Variants in NIBAN3 observed in about 807,000 individuals in gnomAD.
NIBAN3 encodes niban apoptosis regulator 3, also known as protein Niban 3.
In NIBAN3, 66 loss-of-function variants were observed where a neutral mutation model predicts 76.4. That is an observed-to-expected ratio of 0.86 (90% confidence interval 0.71 to 1.06). The LOEUF is 1.06. NIBAN3 is among the 50% of genes least tolerant of loss of function. The pLI is 0.00. For missense variants in NIBAN3, 808 were observed against 810.7 expected, an observed-to-expected ratio of 1.00 and a Z score of 0.04; for synonymous variants, 360 against 355.2, an observed-to-expected ratio of 1.01 and a Z score of -0.15.
rs767414254 is a variant in NIBAN3 at position 17,530,899 on chromosome 19, G to A, written c.186+14G>A. The stretch of plus-strand genomic sequence containing the variant: ...CTACGCAGCAAAGTGGGTGTTGTGG[G>A]GGCAGAGGACGTTTGAGTGTTAGGG... On this transcript the variant is annotated intron_variant, in intron 2 of 14. Transcript: ENST00000599164. 6.2e-7 allele frequency: 1 copy of A among 1,611,414 alleles called. No homozygotes were observed. Among genetic ancestry groups the A allele is most frequent in the Non-Finnish European group, 8.5e-7 (1 of 1,179,048 alleles).
intron 1 of NIBAN3, among the ~76,000 whole-genome samples, chr19:17,528,127 T>C (rs756187831): frequency 6.6e-6 from 1 of 152,132 alleles, no homozygotes; most frequent in Non-Finnish European, 1.5e-5. Flanking sequence ...AGTCTCCCTC[T>C]GTTGCCCAGG....
At position 17,537,365 on chromosome 19, in the gene NIBAN3, T is replaced by C. The variant is rs776902893; in HGVS notation, c.428-11T>C. 1 of 1,611,458 alleles carries C rather than the reference T, an allele frequency of 6.2e-7. No homozygotes were observed. On this transcript the variant is annotated splice_polypyrimidine_tract_variant and intron_variant, in intron 4 of 14. Coordinates refer to ENST00000599164, the MANE Select transcript of NIBAN3 (RefSeq NM_001321827.2). ...AACGTCTAGAAGATGCGACCTCCTG[T>C]TTGTTTTCAGGAGACCATACTCAGG...
chr19:17,525,388 T>C (rs1220986028), upstream of NIBAN3, among the ~76,000 whole-genome samples: 2 of 152,112 alleles, frequency 1.3e-5, no homozygotes, highest in East Asian at 3.8e-4. Flanking sequence ...TATTCATGCA[T>C]TCATTCAGCA....
chr19:17,550,843 CTTT>C lies in NIBAN3; in HGVS notation c.1751-922_1751-920del, dbSNP rs10690901. On this transcript the variant is annotated intron_variant, in intron 14 of 14. Coordinates refer to ENST00000599164, the MANE Select transcript of NIBAN3 (RefSeq NM_001321827.2). ...GCCACAGGGATTAATCTTGTACATA[CTTT>C]TTTTTTTTTTTTTTTTTTTTCAAAT... Among the ~76,000 whole-genome samples the C allele has an allele frequency of 8.1e-3, 745 of 91,544 alleles. 6 individuals are homozygous for C. Among genetic ancestry groups the C allele is most frequent in the African/African-American group, 0.029 (703 of 24,648 alleles). 60.1% of individuals were successfully genotyped at this position (91,544 alleles called of 152,430 possible).
rs745788536 is a variant in NIBAN3 at position 17,540,444 on chromosome 19, G to A, written c.1032G>A (p.Gln344=). ...ESCLRREVDP[Q]LPRVVQTLLR... is the part of the protein sequence containing the mutation. ...GCCTGCGCCGGGAGGTGGACCCGCA[G>A]CTGCCCCGGGTCGTGCAGACCCTGC... Residue 344 remains glutamine, a synonymous_variant, in exon 9 of 15, where the codon CAG becomes CAA. Transcript: ENST00000599164. 5 of 1,553,788 alleles carry A rather than the reference G, an allele frequency of 3.2e-6. No homozygotes were observed. The Admixed American group carries it at 5.8e-5, about 18-fold the overall frequency.
intron 6 of NIBAN3, 26 bp from the exon 7 acceptor site, chr19:17,539,321 G>A (rs1281537377): frequency 1.3e-6 from 2 of 1,552,082 alleles, no homozygotes; most frequent in Non-Finnish European, 1.7e-6. Context: ...GGCCGACCGC[G>A]GCGCCCATGG....
At chr19:17,529,168 T>C (rs959781762) in intron 1 of NIBAN3, among the ~76,000 whole-genome samples, 1 of 152,172 alleles carries the variant, frequency 6.6e-6, no homozygotes, top group Admixed American at 6.5e-5. Context: ...TTCTCTTATA[T>C]GTAAAATGGG....
chr19:17,543,016 A>G (rs1389531755), intron 10 of NIBAN3, among the ~76,000 whole-genome samples: 1 of 152,206 alleles, frequency 6.6e-6, no homozygotes, highest in African/African-American at 2.4e-5. Flanking sequence ...GCACTGCACA[A>G]AAGCACTCAG....
intron 4 of NIBAN3, among the ~76,000 whole-genome samples, chr19:17,534,386 C>A (rs1181414414): frequency 6.6e-6 from 1 of 152,044 alleles, no homozygotes; most frequent in Non-Finnish European, 1.5e-5. Context: ...TAATGACATG[C>A]GCCTGTAATC....
rs149190134 is a variant in NIBAN3 at position 17,552,629 on chromosome 19, C to G, written c.*731C>G. 9.0e-4 allele frequency: 137 copies of G among 152,134 alleles called. No homozygotes were observed. Among genetic ancestry groups the G allele is most frequent in the African/African-American group, 3.2e-3 (132 of 41,496 alleles). 9.4% of individuals were successfully genotyped at this position (152,134 alleles called of 1,614,324 possible). ...TTTGAATTTCTTTGACTAAATTGAACTTACAAATAAGTTTATTATGGCCAG... is the reference window on the plus strand; with the variant it reads ...TTTGAATTTCTTTGACTAAATTGAAGTTACAAATAAGTTTATTATGGCCAG... On this transcript the variant is annotated 3_prime_UTR_variant, in exon 15 of 15. Coordinates refer to ENST00000599164, the MANE Select transcript of NIBAN3 (RefSeq NM_001321827.2).
intron 13 of NIBAN3, among the ~76,000 whole-genome samples, chr19:17,547,735 T>C (rs1455288826): frequency 6.6e-6 from 1 of 151,978 alleles, no homozygotes; most frequent in East Asian, 1.9e-4. Context: ...TGGCATGGTC[T>C]CGGCTCACTG....
At chr19:17,527,438 G>T in intron 1 of NIBAN3, 43 bp downstream of exon 1, 2 of 1,474,710 alleles carry the variant, frequency 1.4e-6, no homozygotes, top group Non-Finnish European at 1.8e-6. Flanking sequence ...CCAGGTGGGT[G>T]GGGGCTCCAG....
intron 14 of NIBAN3, among the ~76,000 whole-genome samples, chr19:17,550,053 C>A (rs1326918592): frequency 6.6e-6 from 1 of 152,054 alleles, no homozygotes; most frequent in African/African-American, 2.4e-5. Flanking sequence ...CTCCTGACCT[C>A]ACATGATCTG....
In NIBAN3 at chr19:17,527,319, A is replaced by C. The variant is rs569106793; in HGVS notation, c.-22A>C. On this transcript the variant is annotated 5_prime_UTR_variant, in exon 1 of 15. Transcript: ENST00000599164. ...CGGTGGTCGTGGGGAAGGGAAGAGG[A>C]GCCCCGGGAGACGACAGCAGCATGG... The C allele has an allele frequency of 1.3e-6, 2 of 1,550,360 alleles. No homozygotes were observed. Among genetic ancestry groups the C allele is most frequent in the South Asian group, 1.2e-5 (1 of 84,032 alleles).
chr19:17,528,343 C>T (rs1484420384), intron 1 of NIBAN3, among the ~76,000 whole-genome samples: 2 of 152,122 alleles, frequency 1.3e-5, no homozygotes, highest in Non-Finnish European at 2.9e-5. Flanking sequence ...CTGCTCACCT[C>T]AGCCTCCCAA....
chr19:17,538,872 A>G (rs891322261), intron 5 of NIBAN3, among the ~76,000 whole-genome samples: 1 of 152,210 alleles, frequency 6.6e-6, no homozygotes, highest in African/African-American at 2.4e-5. Context: ...TGACTGCACA[A>G]ACGATGCAAC....
intron 1 of NIBAN3, among the ~76,000 whole-genome samples, chr19:17,527,635 C>A (rs2075630599): frequency 6.6e-6 from 1 of 152,120 alleles, no homozygotes; most frequent in Admixed American, 6.6e-5. Context: ...CAACCTTGGC[C>A]TCCTGGGCTC....
chr19:17,527,477 G>T, intron 1 of NIBAN3, 82 bp downstream of exon 1: 1 of 1,397,028 alleles, frequency 7.2e-7, no homozygotes, highest in African/African-American at 1.4e-5. Flanking sequence ...CCATGCAGCA[G>T]ATGGGGTTCG....
chr19:17,543,515 G>A lies in NIBAN3; in HGVS notation c.1447-9G>A. The A allele has an allele frequency of 6.2e-7, 1 of 1,614,046 alleles. No homozygotes were observed. The highest frequency in any genetic ancestry group is 1.6e-4 in the Middle Eastern group (1 of 6,062). ...GGTTGCTGGACGCACCGCTGGGTGT[G>A]TTGTGCAGAAATTCAAATCGGACAG... On this transcript the variant is annotated splice_polypyrimidine_tract_variant and intron_variant, in intron 11 of 14. Transcript: ENST00000599164.
Sources: gnomAD v4.1 joint callset for allele counts (sites outside exome capture counted in the v4.1 genomes callset) on GRCh38, gnomAD v4.1.1 for gene constraint, MANE v1.5 for transcripts, NCBI Gene and HGNC (gene_info 2026-07-23, HGNC 2026-07-21) for gene names.